Variants in STAM2 observed in about 807,000 individuals in gnomAD.
STAM2 encodes signal transducing adapter molecule 2.
Under a neutral mutation model 65.6 loss-of-function variants are expected in STAM2, and 51 were observed. The ratio of observed to expected loss-of-function variants is 0.78; its 90% confidence interval spans 0.62 to 0.98. STAM2 has a LOEUF of 0.98. Ranked by LOEUF, STAM2 falls within the 50% of genes least tolerant of loss-of-function variation. The probability of loss-of-function intolerance (pLI) is 0.00; values close to 1 mark genes in which losing one functional copy is unlikely to be tolerated. For missense variants in STAM2, 584 were observed against 617.8 expected, an observed-to-expected ratio of 0.95 and a Z score of 0.58; for synonymous variants, 198 against 208.4, an observed-to-expected ratio of 0.95 and a Z score of 0.43.
At chr2:152,137,590 T>C (rs1307918096) in intron 7 of STAM2, among the ~76,000 whole-genome samples, 2 of 152,204 alleles carry the variant, frequency 1.3e-5, no homozygotes, top group Admixed American at 6.5e-5. Context: ...ATGTTTATGG[T>C]TTCTTTAACT....
rs558803482 is a variant in STAM2 at position 152,152,641 on chromosome 2, C to T, written c.41-2412G>A. ...TATACAAGTCTCTGTGTGGACATTA[C>T]GCCTTCATTGTCCTTTGGTGTATAT... On this transcript the variant is annotated intron_variant, in intron 1 of 13. Transcript: ENST00000263904. Among the ~76,000 whole-genome samples, 50 of 152,224 alleles carry T rather than the reference C, an allele frequency of 3.3e-4. No individual in the cohort carries two copies. In the South Asian group the frequency reaches 6.2e-3, roughly 19 times the overall value.
chr2:152,147,408 T>C, intron 4 of STAM2, 100 bp from the exon 5 acceptor site: 1 of 1,150,020 alleles, frequency 8.7e-7, no homozygotes, highest in East Asian at 2.7e-5. Context: ...TCTCTTTAAT[T>C]ATATGAACAT....
intron 1 of STAM2, among the ~76,000 whole-genome samples, chr2:152,154,577 CA>C (rs1689508304): frequency 6.6e-6 from 1 of 152,120 alleles, no homozygotes; most frequent in Non-Finnish European, 1.5e-5. Flanking sequence ...AAGATCGCAC[CA>C]CTGCACTCCA....
At chr2:152,139,595 G>A (rs752941788) in intron 7 of STAM2, among the ~76,000 whole-genome samples, 5 of 152,156 alleles carry the variant, frequency 3.3e-5, no homozygotes, top group Non-Finnish European at 5.9e-5. Context: ...ATCTAGCAGT[G>A]TTTTACAATC....
intron 1 of STAM2, among the ~76,000 whole-genome samples, chr2:152,169,738 A>G (rs1689864696): frequency 6.6e-6 from 1 of 152,354 alleles, no homozygotes; most frequent in Middle Eastern, 3.4e-3. Context: ...TCAGATAGGC[A>G]TAAATTAGAA....
intron 1 of STAM2, among the ~76,000 whole-genome samples, chr2:152,155,450 A>G (rs563996277): frequency 6.6e-6 from 1 of 152,336 alleles, no homozygotes; most frequent in Admixed American, 6.5e-5. Context: ...GCAACACCAC[A>G]TGGCAACAAA....
At chr2:152,163,829 C>T (rs900745295) in intron 1 of STAM2, among the ~76,000 whole-genome samples, 4 of 152,148 alleles carry the variant, frequency 2.6e-5, no homozygotes, top group African/African-American at 9.7e-5. Flanking sequence ...TGGTCTCCTG[C>T]AGTACCCTCA....
chr2:152,123,960 A>G, intron 12 of STAM2, 25 bp from the exon 13 acceptor site: 1 of 1,595,840 alleles, frequency 6.3e-7, no homozygotes, highest in Non-Finnish European at 8.6e-7. Flanking sequence ...GAAAAAGTTG[A>G]TTCACTCATC....
At chr2:152,125,494 G>A (rs1688947650) in intron 12 of STAM2, among the ~76,000 whole-genome samples, 1 of 152,052 alleles carries the variant, frequency 6.6e-6, no homozygotes, top group Non-Finnish European at 1.5e-5. Flanking sequence ...GAATTCAATT[G>A]GCTAATTGGC....
intron 13 of STAM2, among the ~76,000 whole-genome samples, chr2:152,122,074 A>ATGTG (rs1255769897): frequency 0.1 from 13,516 of 135,226 alleles, 709 homozygotes; most frequent in Middle Eastern, 0.24. Context: ...ATATATATAT[A>ATGTG]TATGTGTGTG....
At chr2:152,150,317 T>A in intron 1 of STAM2, 88 bp from the exon 2 acceptor site, 1 of 808,980 alleles carries the variant, frequency 1.2e-6, no homozygotes, top group Non-Finnish European at 2.0e-6. Context: ...TAAGAAATCC[T>A]ACCTTTTCTA....
At chr2:152,168,766 T>G (rs187078294) in intron 1 of STAM2, among the ~76,000 whole-genome samples, 6 of 152,344 alleles carry the variant, frequency 3.9e-5, no homozygotes, top group Admixed American at 1.3e-4. Flanking sequence ...CAATCTGTCA[T>G]ATAATCCATT....
At chr2:152,159,864 G>A (rs980963221) in intron 1 of STAM2, among the ~76,000 whole-genome samples, 2 of 152,320 alleles carry the variant, frequency 1.3e-5, no homozygotes, top group Admixed American at 6.5e-5. Context: ...CAGTGCCTGC[G>A]ATTGCAGGCG....
chr2:152,118,139 T>A lies in STAM2; in HGVS notation c.*2435A>T, dbSNP rs1360492747. On this transcript the variant is annotated 3_prime_UTR_variant, in exon 14 of 14. Coordinates refer to ENST00000263904, the MANE Select transcript of STAM2 (RefSeq NM_005843.6). ...GAAAAAGCAGAAGCTATTTTTTTAT[T>A]TCTGATATAAAACAGTAAGTATGAA... 2 of 152,102 alleles carry A rather than the reference T, an allele frequency of 1.3e-5. No homozygotes were observed. The highest frequency in any genetic ancestry group is 2.4e-5 in the African/African-American group (1 of 41,454). The allele number at this position is 152,102 out of a possible 1,614,324, so 9.4% of individuals were successfully genotyped here. A position where few individuals can be genotyped will look rare whatever the true frequency, so the allele number is the denominator to read the frequency against.
At chr2:152,134,993 C>A (rs79298070) in intron 8 of STAM2, among the ~76,000 whole-genome samples, 1 of 152,270 alleles carries the variant, frequency 6.6e-6, no homozygotes, top group Non-Finnish European at 1.5e-5. Context: ...AAACAGGAAG[C>A]TTAGTGGCTT....
chr2:152,144,099 T>A, intron 6 of STAM2, 86 bp from the exon 7 acceptor site: 1 of 1,180,502 alleles, frequency 8.5e-7, no homozygotes, highest in Non-Finnish European at 1.2e-6. Context: ...TTAATAAGAA[T>A]AAATCAAGCA....
At chr2:152,147,358 A>C in intron 4 of STAM2, 50 bp from the exon 5 acceptor site, 1 of 1,457,826 alleles carries the variant, frequency 6.9e-7, no homozygotes, top group Non-Finnish European at 9.1e-7. Context: ...GGTTAAAATA[A>C]GTACTTAAAT....
intron 11 of STAM2, among the ~76,000 whole-genome samples, chr2:152,131,220 C>T (rs889609839): frequency 1.3e-5 from 2 of 151,576 alleles, no homozygotes; most frequent in Non-Finnish European, 2.9e-5. Context: ...TTTGAGAGGC[C>T]AAGTTGGGCA....
intron 8 of STAM2, among the ~76,000 whole-genome samples, chr2:152,134,113 G>A (rs1454345852): frequency 6.6e-6 from 1 of 151,944 alleles, no homozygotes; most frequent in African/African-American, 2.4e-5. Flanking sequence ...CTGGAGTATT[G>A]CTAGAATGTA....
Sources: allele counts gnomAD v4.1 joint callset (sites outside exome capture counted in the v4.1 genomes callset), GRCh38; gene constraint gnomAD v4.1.1; transcripts MANE v1.5; gene names NCBI Gene and HGNC (gene_info 2026-07-23, HGNC 2026-07-21).